Variants in DPF1 observed in about 807,000 individuals in gnomAD.
DPF1 encodes the protein double PHD fingers 1, also known as zinc finger protein neuro-d4.
In DPF1, 14 loss-of-function variants were observed where a neutral mutation model predicts 58.7. The ratio of observed to expected loss-of-function variants is 0.24; its 90% CI spans 0.16 to 0.37. The LOEUF is 0.37. Among genes scored for constraint, DPF1 ranks in the 10% least tolerant of loss-of-function variants. The probability of loss-of-function intolerance (pLI) is 1.00; values close to 1 mark genes in which losing one functional copy is unlikely to be tolerated. For missense variants in DPF1, 345 were observed against 529.9 expected (o/e 0.65, Z 3.43); for synonymous variants, 216 against 216.0 (o/e 1.00, Z 0.00).
At chr19:38,213,008 C>T (rs1205851021) in intron 10 of DPF1, among the ~76,000 whole-genome samples, 3 of 144,894 alleles carry the variant, frequency 2.1e-5, no homozygotes, top group African/African-American at 7.7e-5. Flanking sequence ...TTTTTTGAGA[C>T]GGAATCTCGC....
intron 6 of DPF1, 82 bp from the exon 7 acceptor site, chr19:38,217,673 C>A (rs1967131415): frequency 6.5e-7 from 1 of 1,538,814 alleles, no homozygotes; most frequent in South Asian, 1.2e-5. Context: ...GATCACACCT[C>A]CCCCCTCAGC....
chr19:38,216,287 C>T (rs200637838), intron 8 of DPF1, 28 bp from the exon 9 acceptor site: 299 of 1,613,016 alleles, frequency 1.9e-4, no homozygotes, highest in Non-Finnish European at 2.3e-4. Flanking sequence ...GGCATTGGCA[C>T]GGGGCAGGCA....
At chr19:38,223,005 CA>C in intron 1 of DPF1, 1 of 411,054 alleles carries the variant, frequency 2.4e-6, no homozygotes, top group East Asian at 4.2e-5. Flanking sequence ...ACACACAACA[CA>C]AATCACACAC....
upstream of DPF1, chr19:38,228,732 G>C (rs901210817): frequency 1.3e-5 from 2 of 152,810 alleles, no homozygotes; most frequent in African/African-American, 2.4e-5. Flanking sequence ...TGGAGAGCGC[G>C]AGGGATGGCA....
At chr19:38,216,280 A>C in intron 8 of DPF1, 21 bp from the exon 9 acceptor site, 1 of 1,613,778 alleles carries the variant, frequency 6.2e-7, no homozygotes, top group Non-Finnish European at 8.5e-7. Flanking sequence ...GCAGACAGGC[A>C]TTGGCACGGG....
At chr19:38,213,452 G>A (rs982370169) in intron 10 of DPF1, among the ~76,000 whole-genome samples, 192 bp downstream of exon 10, 2 of 152,350 alleles carry the variant, frequency 1.3e-5, no homozygotes, top group Non-Finnish European at 2.9e-5. Context: ...GCTTCAGAGG[G>A]TGGTTGGGAG....
intron 5 of DPF1, 84 bp downstream of exon 5, chr19:38,218,489 G>T: frequency 1.4e-6 from 2 of 1,397,186 alleles, no homozygotes; most frequent in Non-Finnish European, 2.0e-6. Flanking sequence ...GTCAGACTGT[G>T]GCAGGGGCGG....
intron 7 of DPF1, 64 bp downstream of exon 7, chr19:38,217,396 C>CCCCAAGGCGCCAA: frequency 8.2e-7 from 1 of 1,225,742 alleles, no homozygotes; most frequent in Non-Finnish European, 1.1e-6. Context: ...CCCCCACCCC[C>CCCCAAGGCGCCAA]AGCTGGGCTC....
At chr19:38,226,993 T>TCTTCCTTC (rs71179424), upstream of DPF1, among the ~76,000 whole-genome samples, 6,973 of 71,566 alleles carry the variant, frequency 0.097, 265 homozygotes, top group Middle Eastern at 0.12. Flanking sequence ...CTTTTATTTC[T>TCTTCCTTC]CTTCCTTCCT....
At chr19:38,212,204 G>A in intron 11 of DPF1, 71 bp from the exon 12 acceptor site, 2 of 1,546,154 alleles carry the variant, frequency 1.3e-6, no homozygotes, top group Non-Finnish European at 8.8e-7. Flanking sequence ...CCCACCCCGA[G>A]GACACACAGT....
upstream of DPF1, among the ~76,000 whole-genome samples, chr19:38,227,267 A>C (rs914653371): frequency 2.6e-5 from 4 of 151,964 alleles, no homozygotes; most frequent in Non-Finnish European, 5.9e-5. Context: ...TTGTAAAAAC[A>C]GGGTGTCCCT....
At chr19:38,215,961 G>T (rs548639984) in intron 9 of DPF1, among the ~76,000 whole-genome samples, 179 bp downstream of exon 9, 48 of 152,122 alleles carry the variant, frequency 3.2e-4, no homozygotes, top group African/African-American at 1.1e-3. Flanking sequence ...TCACTGATCC[G>T]ACCCAATTCC....
chr19:38,212,143 C>A lies in DPF1; in HGVS notation c.1094-10G>T. Reference sequence around the variant, plus strand: ...TGACAGCTCCAGCTCCCTGCGGGGGCAGCCGAAGCTGAAGTCAGGCCCGGG... The same window carrying A: ...TGACAGCTCCAGCTCCCTGCGGGGGAAGCCGAAGCTGAAGTCAGGCCCGGG... On this transcript the variant is annotated splice_polypyrimidine_tract_variant and intron_variant, in intron 11 of 11. Coordinates refer to ENST00000355526, the MANE Select transcript of DPF1 (RefSeq NM_001135155.3). 2 of 1,607,680 alleles carry A rather than the reference C, an allele frequency of 1.2e-6. No individual in the cohort carries two copies. The highest frequency in any genetic ancestry group is 2.2e-5 in the East Asian group (1 of 44,636).
intron 1 of DPF1, among the ~76,000 whole-genome samples, chr19:38,223,487 A>C (rs994981632): frequency 2.0e-5 from 3 of 151,248 alleles, no homozygotes; most frequent in African/African-American, 7.4e-5. Context: ...TCACACATCC[A>C]CACAGACACA....
At chr19:38,217,989 G>A (rs990237760) in intron 5 of DPF1, 113 bp from the exon 6 acceptor site, 1 of 1,057,738 alleles carries the variant, frequency 9.5e-7, no homozygotes, top group Non-Finnish European at 1.4e-6. Context: ...GGATCACGAG[G>A]TCAAGAGATC....
chr19:38,229,108 G>A (rs1459605682), upstream of DPF1, among the ~76,000 whole-genome samples: 1 of 152,088 alleles, frequency 6.6e-6, no homozygotes, highest in African/African-American at 2.4e-5. The surrounding 1 kb of genome is among the most constrained non-coding windows in gnomAD (Gnocchi z 5.3). Flanking sequence ...GGTCCTCAGA[G>A]AAAGAAGGGG....
intron 6 of DPF1, 75 bp downstream of exon 6, chr19:38,217,723 G>A: frequency 1.9e-6 from 3 of 1,601,410 alleles, no homozygotes; most frequent in African/African-American, 1.3e-5. Flanking sequence ...TCTGGAACGG[G>A]AGGGAGAGGG....
At position 38,216,987 on chromosome 19, in the gene DPF1, ACACT is replaced by A. The variant is rs533209878; in HGVS notation, c.727+469_727+472del. On this transcript the variant is annotated intron_variant, in intron 7 of 11. Coordinates refer to ENST00000355526, the MANE Select transcript of DPF1 (RefSeq NM_001135155.3). Reference sequence around the variant, plus strand: ...GGGTGTGTAGTGGCCAGGGGTGAAGACACTCAGCCTCTGCCTCTGAGAGATAGGT... The same window carrying A: ...GGGTGTGTAGTGGCCAGGGGTGAAGACAGCCTCTGCCTCTGAGAGATAGGT... Among the ~76,000 whole-genome samples the A allele has an allele frequency of 3.3e-4, 51 of 152,300 alleles. 1 individual carries two copies. The South Asian group carries it at 0.01, about 31-fold the overall frequency.
intron 3 of DPF1, among the ~76,000 whole-genome samples, chr19:38,220,282 GAA>G (rs1257322927): frequency 6.7e-6 from 1 of 149,546 alleles, no homozygotes; most frequent in Non-Finnish European, 1.5e-5. Context: ...GGAAAGAAAA[GAA>G]AAAGAGAGAG....
Sources: allele counts gnomAD v4.1 joint callset (sites outside exome capture counted in the v4.1 genomes callset), GRCh38; gene constraint gnomAD v4.1.1; non-coding constraint Gnocchi (gnomAD v3.1); transcripts MANE v1.5; gene names NCBI Gene and HGNC (gene_info 2026-07-23, HGNC 2026-07-21).